NFIA: variants seen among roughly 807,000 people sequenced by gnomAD.
NFIA encodes nuclear factor 1 A-type.
In NFIA, 8 loss-of-function variants were observed where a neutral mutation model predicts 62.8. The ratio of observed to expected loss-of-function variants is 0.13; its 90% CI spans 0.07 to 0.23. The LOEUF (loss-of-function observed/expected upper bound fraction) is 0.23, where lower values mean the gene tolerates loss of function less well. NFIA is among the 10% of genes least tolerant of loss of function. NFIA has a pLI of 1.00. For synonymous variants in NFIA, 235 were observed against 238.1 expected (o/e 0.99, Z 0.12); for missense variants, 410 against 642.1 (o/e 0.64, Z 3.91).
At chr1:61,213,321 G>T (rs909996549) in intron 2 of NFIA, among the ~76,000 whole-genome samples, 2 of 152,188 alleles carry the variant, frequency 1.3e-5, no homozygotes, top group African/African-American at 4.8e-5. Flanking sequence ...GGCATGGTGC[G>T]CCTGATATAG....
intron 10 of NFIA, chr1:61,439,593 T>C (rs1409424935): frequency 6.6e-6 from 1 of 152,180 alleles, no homozygotes; most frequent in African/African-American, 2.4e-5. Context: ...CAACACGGAA[T>C]GCCTCCCATC....
chr1:61,379,694 C>T (rs1361516526), intron 6 of NFIA, among the ~76,000 whole-genome samples: 1 of 152,010 alleles, frequency 6.6e-6, no homozygotes, highest in Non-Finnish European at 1.5e-5. Context: ...GCATGAGCCA[C>T]CGTGCCTGGC....
At chr1:61,111,079 T>C (rs1646687027) in intron 2 of NFIA, among the ~76,000 whole-genome samples, 2 of 152,118 alleles carry the variant, frequency 1.3e-5, no homozygotes, top group South Asian at 4.1e-4. Flanking sequence ...ATAATTACTT[T>C]CCTTCTATAT....
chr1:61,226,342 A>C (rs927100188), intron 2 of NFIA, among the ~76,000 whole-genome samples: 1 of 152,226 alleles, frequency 6.6e-6, no homozygotes, highest in Non-Finnish European at 1.5e-5. Context: ...TTTTAGTGTT[A>C]TCTGTCAATC....
chr1:61,252,962 A>G (rs1482147099), intron 2 of NFIA, among the ~76,000 whole-genome samples: 2 of 152,212 alleles, frequency 1.3e-5, no homozygotes, highest in East Asian at 3.8e-4. Context: ...GGGAATTGGC[A>G]GATAGAGTTT....
chr1:61,129,559 C>T (rs891982891), intron 2 of NFIA, among the ~76,000 whole-genome samples: 5 of 150,562 alleles, frequency 3.3e-5, no homozygotes, highest in African/African-American at 9.8e-5. Context: ...AAGCGATTCT[C>T]ATGCCTCAGC....
chr1:61,121,826 C>G (rs780304204), intron 2 of NFIA, among the ~76,000 whole-genome samples: 2 of 152,178 alleles, frequency 1.3e-5, no homozygotes, highest in Non-Finnish European at 2.9e-5. Flanking sequence ...GGGTAGAACT[C>G]TCTTTTTCAT....
At chr1:61,174,637 T>G (rs1245832303) in intron 2 of NFIA, among the ~76,000 whole-genome samples, 1 of 152,166 alleles carries the variant, frequency 6.6e-6, no homozygotes, top group Non-Finnish European at 1.5e-5. Flanking sequence ...CATTGAAAAC[T>G]GAGAAAGAGG....
In NFIA at chr1:61,368,196, A is replaced by G. The variant is rs78180275; in HGVS notation, c.946+8922A>G. ...GAAAATGAAGCTGTGTAAATATTCTAGAAGGGGAGGAAGAAGGAGATGCAG... is the reference window on the plus strand; with the variant it reads ...GAAAATGAAGCTGTGTAAATATTCTGGAAGGGGAGGAAGAAGGAGATGCAG... On this transcript the variant is annotated intron_variant, in intron 6 of 10. Coordinates refer to ENST00000403491, the MANE Select transcript of NFIA (RefSeq NM_001134673.4). Among the ~76,000 whole-genome samples the G allele has an allele frequency of 3.6e-3, 549 of 152,298 alleles. 3 individuals carry two copies. Among genetic ancestry groups the G allele is most frequent in the African/African-American group, 0.013 (523 of 41,552 alleles).
intron 6 of NFIA, among the ~76,000 whole-genome samples, chr1:61,365,111 G>A (rs981892835): frequency 3.9e-5 from 6 of 152,098 alleles, no homozygotes; most frequent in Non-Finnish European, 7.4e-5. Context: ...TGCTTGAGCC[G>A]AGGAACTCAA....
At chr1:61,195,424 AT>A (rs1430857424) in intron 2 of NFIA, among the ~76,000 whole-genome samples, 1 of 152,144 alleles carries the variant, frequency 6.6e-6, no homozygotes, top group Non-Finnish European at 1.5e-5. Context: ...AATCGTTTGT[AT>A]TTCAAGGTCT....
In NFIA at chr1:61,140,505, A is replaced by G. The variant is rs17121664; in HGVS notation, c.559+51825A>G. ...ATTGTTCCAAAACTAATGAGAAATT[A>G]TCATGTTTTCTATGTGTAGAAAAGT... On this transcript the variant is annotated intron_variant, in intron 2 of 10. Coordinates refer to ENST00000403491, the MANE Select transcript of NFIA (RefSeq NM_001134673.4). Among the ~76,000 whole-genome samples, 57 of 152,284 alleles carry G rather than the reference A, an allele frequency of 3.7e-4. No individual in the cohort carries two copies. In the East Asian group the frequency reaches 0.011, roughly 29 times the overall value.
Position 61,455,187 on chromosome 1 carries a change from C to T in NFIA, c.1513-116C>T, listed in dbSNP as rs1472079412. Reference sequence around the variant, plus strand: ...TCTGTCGTGCCTTTACTTTTCCCAGCGAATCCCTCCCGCATCCCTAACGTA... The same window carrying T: ...TCTGTCGTGCCTTTACTTTTCCCAGTGAATCCCTCCCGCATCCCTAACGTA... On this transcript the variant is annotated intron_variant, in intron 10 of 10. Coordinates refer to ENST00000403491, the MANE Select transcript of NFIA (RefSeq NM_001134673.4). 11 of 988,510 alleles carry T rather than the reference C, an allele frequency of 1.1e-5. No homozygotes were observed. In the East Asian group the frequency reaches 1.8e-4, roughly 16 times the overall value. The allele number at this position is 988,510 out of a possible 1,614,324, so 61.2% of individuals were successfully genotyped here. A position where few individuals can be genotyped will look rare whatever the true frequency, so the allele number is the denominator to read the frequency against.
At chr1:61,341,267 G>T (rs557327227) in intron 4 of NFIA, among the ~76,000 whole-genome samples, 2 of 151,756 alleles carry the variant, frequency 1.3e-5, no homozygotes, top group East Asian at 3.9e-4. Context: ...GTTTCACCGT[G>T]GTCTCGATCT....
chr1:61,184,561 C>G (rs1651020329), intron 2 of NFIA, among the ~76,000 whole-genome samples: 1 of 152,244 alleles, frequency 6.6e-6, no homozygotes, highest in Non-Finnish European at 1.5e-5. Flanking sequence ...GCCAAGGGTA[C>G]AGCACACTCG....
chr1:61,094,850 C>T (rs1424740507), intron 2 of NFIA, among the ~76,000 whole-genome samples: 2 of 152,156 alleles, frequency 1.3e-5, no homozygotes, highest in African/African-American at 2.4e-5. Flanking sequence ...TTAGTCCTCC[C>T]GTTAGTGTTC....
intron 6 of NFIA, among the ~76,000 whole-genome samples, chr1:61,377,221 T>C (rs892778107): frequency 1.1e-5 from 1 of 94,130 alleles, no homozygotes; most frequent in Non-Finnish European, 2.3e-5. Flanking sequence ...AGACTCCATC[T>C]CAAAAAAAAG....
intron 2 of NFIA, among the ~76,000 whole-genome samples, chr1:61,222,814 A>T (rs556013305): frequency 6.6e-6 from 1 of 152,072 alleles, no homozygotes; most frequent in Non-Finnish European, 1.5e-5. Flanking sequence ...TATATATGCT[A>T]CAGTGACATA....
intron 6 of NFIA, among the ~76,000 whole-genome samples, chr1:61,375,578 A>G (rs1239244519): frequency 6.6e-6 from 1 of 152,124 alleles, no homozygotes; most frequent in Non-Finnish European, 1.5e-5. Flanking sequence ...GTAGCATGGT[A>G]CACTGAAAGG....
Sources: gnomAD v4.1 joint callset for allele counts (sites outside exome capture counted in the v4.1 genomes callset) on GRCh38, gnomAD v4.1.1 for gene constraint, MANE v1.5 for transcripts, NCBI Gene and HGNC (gene_info 2026-07-23, HGNC 2026-07-21) for gene names.